HERC2: variants seen among roughly 807,000 people sequenced by gnomAD.
HERC2 encodes HECT and RLD domain containing E3 ubiquitin protein ligase 2.
In HERC2, 102 loss-of-function variants were observed where a neutral mutation model predicts 537.7. The observed-to-expected ratio is 0.19, with a 90% confidence interval of 0.16 to 0.22. The LOEUF (loss-of-function observed/expected upper bound fraction) is 0.22. Among genes scored for constraint, HERC2 ranks in the 10% least tolerant of loss-of-function variants. The pLI is 1.00. For missense variants in HERC2, 4,236 were observed against 6,198.2 expected (o/e 0.68, Z 10.63); for synonymous variants, 2,224 against 2,466.2 (o/e 0.90, Z 2.91).
At chr15:28,313,314 A>C (rs1446996329) in intron 2 of HERC2, among the ~76,000 whole-genome samples, 4 of 151,602 alleles carry the variant, frequency 2.6e-5, no homozygotes, top group Admixed American at 2.6e-4. Flanking sequence ...AGTAGCTGGG[A>C]CTACAGGCGC....
intron 19 of HERC2, among the ~76,000 whole-genome samples, chr15:28,255,061 C>T (rs74005655): frequency 0.01 from 1,538 of 152,254 alleles, 29 homozygotes; most frequent in African/African-American, 0.036. Context: ...AAAGCCTGGG[C>T]GTGGTCGCTC....
intron 78 of HERC2, among the ~76,000 whole-genome samples, chr15:28,137,504 T>C (rs1596024228): frequency 6.6e-6 from 1 of 152,230 alleles, no homozygotes; most frequent in East Asian, 1.9e-4. Context: ...ATTCTTGAAA[T>C]ATTTTAAACT....
chr15:28,174,811 A>T (rs1323842371), intron 64 of HERC2, among the ~76,000 whole-genome samples, 191 bp from the exon 65 acceptor site: 1 of 152,196 alleles, frequency 6.6e-6, no homozygotes, highest in Non-Finnish European at 1.5e-5. Flanking sequence ...AAGAAAATCT[A>T]ACCATGAAAA....
chr15:28,132,400 A>C, intron 80 of HERC2, 139 bp from the exon 81 acceptor site: 1 of 899,456 alleles, frequency 1.1e-6, no homozygotes, highest in Non-Finnish European at 1.6e-6. Context: ...CTAAAATCCT[A>C]TAAGACAAAA....
At chr15:28,208,229 C>G (rs1168609160) in intron 44 of HERC2, among the ~76,000 whole-genome samples, 1 of 152,242 alleles carries the variant, frequency 6.6e-6, no homozygotes, top group African/African-American at 2.4e-5. Context: ...AACAAACCCA[C>G]ATACTCCACA....
At chr15:28,139,786 C>T (rs562010117) in intron 78 of HERC2, among the ~76,000 whole-genome samples, 13 of 151,882 alleles carry the variant, frequency 8.6e-5, no homozygotes, top group Non-Finnish European at 5.9e-5. Context: ...ATTGGCCGGG[C>T]ACGGTAGCTC....
chr15:28,286,543 A>T (rs565176221), intron 4 of HERC2, among the ~76,000 whole-genome samples: 93 of 152,338 alleles, frequency 6.1e-4, no homozygotes, highest in African/African-American at 2.2e-3. Flanking sequence ...TAGAAAAAGC[A>T]AATGACAAAA....
chr15:28,162,040 A>C (rs1160273312), intron 69 of HERC2, among the ~76,000 whole-genome samples: 1 of 152,244 alleles, frequency 6.6e-6, no homozygotes, highest in Admixed American at 6.5e-5. Flanking sequence ...ATAAAAAATT[A>C]GAAGAAGGCC....
At position 28,192,103 on chromosome 15, in the gene HERC2, C is replaced by A; in HGVS notation, c.8309G>T (p.Cys2770Phe). ...CAGCATGCCTGGCTGGCTGCTGTGG[C>A]AACGCTTCAGCTGTTTTCCAGAACG... ...CGRSGKQLKR[C>F]HSSQPGMLLD... The change falls in exon 53 of 93, where the codon TGC (cysteine) becomes TTC (phenylalanine). Residue 2770 changes from cysteine (C) to phenylalanine (F), a missense_variant. By Grantham distance (205) the Cys-to-Phe change is radical (BLOSUM62 -2). Around this residue, in one of 27 missense-constraint regions of HERC2, gnomAD observed 606 missense variants for 884.5 expected, o/e 0.69. Coordinates refer to ENST00000261609, the MANE Select transcript of HERC2 (RefSeq NM_004667.6). 2 of 1,614,020 alleles carry A rather than the reference C, an allele frequency of 1.2e-6. No individual in the cohort carries two copies. Among genetic ancestry groups the A allele is most frequent in the African/African-American group, 1.3e-5 (1 of 75,054 alleles).
intron 45 of HERC2, among the ~76,000 whole-genome samples, chr15:28,204,474 G>A (rs1898199149): frequency 6.6e-6 from 1 of 152,008 alleles, no homozygotes. Context: ...ACAAAAATTA[G>A]CCAGGCGTGG....
chr15:28,192,378 G>C (rs1271945167), intron 52 of HERC2, among the ~76,000 whole-genome samples: 1 of 151,980 alleles, frequency 6.6e-6, no homozygotes, highest in Non-Finnish European at 1.5e-5. Flanking sequence ...AACCTCCCAG[G>C]GAACAACAGC....
In HERC2 at chr15:28,198,993, A is replaced by G. The variant is rs139741548; in HGVS notation, c.7717-224T>C. 3.0e-3 allele frequency among the ~76,000 whole-genome samples: 455 copies of G among 152,162 alleles called. 4 individuals carry two copies. Among genetic ancestry groups the G allele is most frequent in the African/African-American group, 0.01 (432 of 41,484 alleles). The stretch of plus-strand genomic sequence containing the variant: ...CGAAACCCACCTCTACCAAAAATAC[A>G]AAAATTAGCCAGACGTGGCGGTGCA... On this transcript the variant is annotated intron_variant, in intron 48 of 92. Transcript: ENST00000261609.
chr15:28,274,566 C>A, intron 6 of HERC2, 119 bp from the exon 7 acceptor site: 1 of 1,046,860 alleles, frequency 9.6e-7, no homozygotes, highest in Non-Finnish European at 1.4e-6. Flanking sequence ...CTCAACAGGC[C>A]AAAATCTAGC....
chr15:28,256,368 T>G (rs775820899), intron 17 of HERC2, 51 bp from the exon 18 acceptor site: 16 of 1,212,160 alleles, frequency 1.3e-5, no homozygotes, highest in Non-Finnish European at 1.7e-5. Flanking sequence ...ATGAGTGAAT[T>G]TCAAAGTCTT....
chr15:28,142,678 C>T, intron 75 of HERC2, 149 bp downstream of exon 75: 1 of 728,532 alleles, frequency 1.4e-6, no homozygotes, highest in Non-Finnish European at 2.3e-6. Context: ...ATTACACGAT[C>T]ATTTCTTGAG....
intron 2 of HERC2, among the ~76,000 whole-genome samples, chr15:28,300,260 T>C (rs538889277): frequency 6.6e-6 from 1 of 150,786 alleles, no homozygotes; most frequent in South Asian, 2.1e-4. Context: ...GAAACATACA[T>C]GACTTTCATC....
At chr15:28,172,444 A>T (rs182218013) in intron 65 of HERC2, among the ~76,000 whole-genome samples, 7 of 152,348 alleles carry the variant, frequency 4.6e-5, no homozygotes, top group Non-Finnish European at 1.0e-4. Context: ...TCAATGAAAC[A>T]GTACTGAGAG....
At chr15:28,320,688 T>C (rs1214507388) in intron 2 of HERC2, among the ~76,000 whole-genome samples, 1 of 151,712 alleles carries the variant, frequency 6.6e-6, no homozygotes, top group Non-Finnish European at 1.5e-5. Context: ...AAGTAGTTTT[T>C]CCAAGCCATT....
chr15:28,127,640 C>T (rs1183619298), intron 83 of HERC2, among the ~76,000 whole-genome samples: 2 of 152,208 alleles, frequency 1.3e-5, no homozygotes, highest in African/African-American at 2.4e-5. Flanking sequence ...TTCTCCTCCA[C>T]AGATGCCAGG....
Sources: allele counts gnomAD v4.1 joint callset (sites outside exome capture counted in the v4.1 genomes callset), GRCh38; gene constraint gnomAD v4.1.1; regional missense constraint gnomAD v4.1.1; transcripts MANE v1.5; gene names NCBI Gene and HGNC (gene_info 2026-07-23, HGNC 2026-07-21).